The following MARVELD2 variants were observed in gnomAD, a reference collection of about 807,000 sequenced individuals.
MARVELD2 encodes MARVEL domain-containing protein 2.
In MARVELD2, 49 loss-of-function variants were observed where a neutral mutation model predicts 57.6. That is an observed-to-expected ratio of 0.85 (90% confidence interval 0.68 to 1.08). MARVELD2 has a LOEUF of 1.08. Among genes scored for constraint, MARVELD2 ranks in the 50% least tolerant of loss-of-function variants. MARVELD2 has a pLI of 0.00. For missense variants in MARVELD2, 606 were observed against 701.1 expected (o/e 0.86, Z 1.53); for synonymous variants, 238 against 258.8 (o/e 0.92, Z 0.77).
chr5:69,421,820 GTC>G (rs1195081424), intron 2 of MARVELD2, among the ~76,000 whole-genome samples: 1 of 144,878 alleles, frequency 6.9e-6, no homozygotes, highest in Non-Finnish European at 1.5e-5. Context: ...TTGAGACAGA[GTC>G]TCACTCTGTT....
chr5:69,425,977 C>T (rs536821714), intron 3 of MARVELD2, among the ~76,000 whole-genome samples: 29 of 151,844 alleles, frequency 1.9e-4, no homozygotes, highest in South Asian at 1.9e-3. Context: ...CTCCTGACCT[C>T]GTGATCCGCC....
At position 69,420,052 on chromosome 5, in the gene MARVELD2, A is replaced by G; in HGVS notation, c.667A>G (p.Asn223Asp). The change falls in exon 2 of 7, where the codon AAC (asparagine) becomes GAC (aspartate). Residue 223 changes from asparagine (N) to aspartate (D), a missense_variant. By Grantham distance (23) the Asn-to-Asp change is conservative (BLOSUM62 1). Coordinates refer to ENST00000325631, the MANE Select transcript of MARVELD2 (RefSeq NM_001038603.3). ...CATTCACAAGGACAGTGAGTGGTAC[A>G]ACTTGTTTGGATATTCACAACCGTA... is the stretch of plus-strand genomic sequence containing the variant. Reference protein sequence around the residue: ...AYIHKDSEWYNLFGYSQPYGM... With the variant: ...AYIHKDSEWYDLFGYSQPYGM... The G allele has an allele frequency of 6.2e-7, 1 of 1,614,104 alleles. No individual in the cohort carries two copies. The highest frequency in any genetic ancestry group is 8.5e-7 in the Non-Finnish European group (1 of 1,180,032).
chr5:69,421,608 C>T (rs1766627661), intron 2 of MARVELD2, among the ~76,000 whole-genome samples: 1 of 151,804 alleles, frequency 6.6e-6, no homozygotes, highest in Non-Finnish European at 1.5e-5. Context: ...ACAAATAGCG[C>T]TTTGGTTTTA....
chr5:69,425,989 G>A (rs1290745182), intron 3 of MARVELD2, among the ~76,000 whole-genome samples: 1 of 151,862 alleles, frequency 6.6e-6, no homozygotes, highest in Middle Eastern at 3.4e-3. Flanking sequence ...TGATCCGCCC[G>A]CCTCGGCCTC....
Position 69,442,318 on chromosome 5 carries a change from T to G in MARVELD2, c.*664T>G, listed in dbSNP as rs1448876989. On this transcript the variant is annotated 3_prime_UTR_variant, in exon 7 of 7. Coordinates refer to ENST00000325631, the MANE Select transcript of MARVELD2 (RefSeq NM_001038603.3). ...TTCCTAGGGGATTTCTAAAGGATTT[T>G]TCTAAGGGAAAAAGGGTGACATCTT... The G allele has an allele frequency of 1.3e-5, 2 of 152,194 alleles. No homozygotes were observed. The highest frequency in any genetic ancestry group is 2.9e-5 in the Non-Finnish European group (2 of 68,052). 9.4% of individuals were successfully genotyped at this position (152,194 alleles called of 1,614,324 possible). A position where few individuals can be genotyped will look rare whatever the true frequency, so the allele number is the denominator to read the frequency against.
chr5:69,441,113 AG>A (rs753324154), intron 6 of MARVELD2, among the ~76,000 whole-genome samples: 3 of 152,072 alleles, frequency 2.0e-5, no homozygotes, highest in Non-Finnish European at 1.5e-5. Flanking sequence ...TAAAGGCTGG[AG>A]AGACCGTTTA....
chr5:69,420,065 A>G lies in MARVELD2; in HGVS notation c.680A>G (p.Tyr227Cys), dbSNP rs754651556. The G allele has an allele frequency of 6.2e-7, 1 of 1,614,144 alleles. No homozygotes were observed. The highest frequency in any genetic ancestry group is 8.5e-7 in the Non-Finnish European group (1 of 1,180,034). The part of the protein sequence containing the change: ...KDSEWYNLFG[Y>C]SQPYGMGGVG... ...AGTGAGTGGTACAACTTGTTTGGAT[A>G]TTCACAACCGTATGGCATGGGAGGC... The change falls in exon 2 of 7, where the codon TAT (tyrosine) becomes TGT (cysteine). Residue 227 changes from tyrosine to cysteine, a missense_variant. By Grantham distance (194) the Tyr-to-Cys change is radical. Transcript: ENST00000325631.
chr5:69,425,694 C>T (rs1766768773), intron 3 of MARVELD2, among the ~76,000 whole-genome samples: 1 of 151,222 alleles, frequency 6.6e-6, no homozygotes, highest in Non-Finnish European at 1.5e-5. Context: ...TTTTTTACTA[C>T]ACTCACAGGA....
intron 3 of MARVELD2, among the ~76,000 whole-genome samples, chr5:69,426,351 T>TTATTATTA (rs1561295691): frequency 1.3e-4 from 3 of 22,622 alleles, no homozygotes; most frequent in East Asian, 3.7e-3. Context: ...TATTATTATT[T>TTATTATTA]TTAGACAGAG....
chr5:69,438,770 C>T (rs1267546473), intron 5 of MARVELD2, among the ~76,000 whole-genome samples: 1 of 151,864 alleles, frequency 6.6e-6, no homozygotes, highest in Non-Finnish European at 1.5e-5. Flanking sequence ...CCTGTAATCC[C>T]AGCTACTCGG....
chr5:69,432,776 A>T (rs1338375715), intron 4 of MARVELD2, 101 bp downstream of exon 4: 1 of 1,577,374 alleles, frequency 6.3e-7, no homozygotes, highest in South Asian at 1.1e-5. Flanking sequence ...CTGTGCTTAA[A>T]ATCGTGTATG....
intron 4 of MARVELD2, 105 bp downstream of exon 4, chr5:69,432,780 G>A (rs763377152): frequency 4.8e-5 from 75 of 1,572,164 alleles, no homozygotes; most frequent in African/African-American, 1.4e-4. Context: ...GCTTAAAATC[G>A]TGTATGTAAA....
At chr5:69,422,422 C>T (rs1766657362) in intron 2 of MARVELD2, among the ~76,000 whole-genome samples, 1 of 152,166 alleles carries the variant, frequency 6.6e-6, no homozygotes, top group Non-Finnish European at 1.5e-5. Flanking sequence ...TTGGGGATGG[C>T]TGTCTTTTAC....
chr5:69,437,876 TCAA>T (rs1419511233), intron 5 of MARVELD2, among the ~76,000 whole-genome samples: 2 of 152,218 alleles, frequency 1.3e-5, no homozygotes, highest in South Asian at 4.1e-4. Context: ...CCACACAATA[TCAA>T]CAACAGCCAT....
Position 69,441,683 on chromosome 5 carries a change from A to T in MARVELD2, c.*29A>T, listed in dbSNP as rs746855195. 13 of 1,447,258 alleles carry T rather than the reference A, an allele frequency of 9.0e-6. No homozygotes were observed. The highest frequency in any genetic ancestry group is 1.2e-5 in the South Asian group (1 of 84,682). 89.7% of individuals were successfully genotyped at this position (1,447,258 alleles called of 1,614,324 possible). Reference sequence around the variant, plus strand: ...TTATTTGAAACCACTTTATTTTTTTATTTTATTTTATTTTTTTGAGATGAA... The same window carrying T: ...TTATTTGAAACCACTTTATTTTTTTTTTTTATTTTATTTTTTTGAGATGAA... On this transcript the variant is annotated 3_prime_UTR_variant, in exon 7 of 7. Coordinates refer to ENST00000325631, the MANE Select transcript of MARVELD2 (RefSeq NM_001038603.3).
At chr5:69,422,976 T>A (rs1766676451) in intron 2 of MARVELD2, among the ~76,000 whole-genome samples, 1 of 152,210 alleles carries the variant, frequency 6.6e-6, no homozygotes, top group Non-Finnish European at 1.5e-5. Flanking sequence ...CTGCTCACTA[T>A]AACCTCCGCT....
At chr5:69,440,035 A>T (rs1767281841) in intron 5 of MARVELD2, among the ~76,000 whole-genome samples, 1 of 152,246 alleles carries the variant, frequency 6.6e-6, no homozygotes, top group African/African-American at 2.4e-5. Flanking sequence ...TCCAAAAAGG[A>T]TGAACATAAT....
chr5:69,424,564 T>C, intron 2 of MARVELD2, 37 bp from the exon 3 acceptor site: 1 of 1,571,158 alleles, frequency 6.4e-7, no homozygotes, highest in Non-Finnish European at 8.8e-7. Context: ...TAGCTTCACA[T>C]GCCTTTGAAA....
chr5:69,431,008 G>A (rs1766946172), intron 3 of MARVELD2, among the ~76,000 whole-genome samples: 2 of 148,236 alleles, frequency 1.3e-5, no homozygotes, highest in Non-Finnish European at 3.0e-5. Flanking sequence ...CTGCAGCCTC[G>A]AACTCCTGGC....
Sources: allele counts gnomAD v4.1 joint callset (sites outside exome capture counted in the v4.1 genomes callset), GRCh38; gene constraint gnomAD v4.1.1; transcripts MANE v1.5; gene names NCBI Gene and HGNC (gene_info 2026-07-23, HGNC 2026-07-21).